The following PAM variants were observed in gnomAD, a reference collection of about 807,000 sequenced individuals.
PAM encodes the protein peptidylglycine alpha-amidating monooxygenase.
Under a neutral mutation model 122.1 loss-of-function variants are expected in PAM, and 72 were observed. That is an observed-to-expected ratio of 0.59 (90% CI 0.49 to 0.72). PAM has a LOEUF of 0.72. PAM is among the 30% of genes least tolerant of loss of function. PAM has a pLI of 0.00. For missense variants in PAM, 1,106 were observed against 1,183.7 expected, an observed-to-expected ratio of 0.93 and a Z score of 0.96; for synonymous variants, 389 against 404.4, an observed-to-expected ratio of 0.96 and a Z score of 0.46.
intron 1 of PAM, among the ~76,000 whole-genome samples, chr5:102,770,655 A>T (rs912571249): frequency 5.9e-5 from 9 of 152,152 alleles, no homozygotes; most frequent in Non-Finnish European, 1.2e-4. Context: ...TGTTAAGATG[A>T]TATATCACAT....
intron 3 of PAM, among the ~76,000 whole-genome samples, chr5:102,885,508 AT>A (rs1242330077): frequency 6.6e-6 from 1 of 152,000 alleles, no homozygotes; most frequent in Admixed American, 6.6e-5. Flanking sequence ...AAGAAGATAG[AT>A]TGGTAGCCTG....
chr5:103,022,556 T>G (rs1046777763), intron 23 of PAM, among the ~76,000 whole-genome samples: 3 of 152,134 alleles, frequency 2.0e-5, no homozygotes, highest in Non-Finnish European at 4.4e-5. Context: ...TTTAGAAAAT[T>G]TGTTTATTTC....
chr5:102,908,231 T>C (rs1315653373), intron 4 of PAM, among the ~76,000 whole-genome samples: 2 of 151,896 alleles, frequency 1.3e-5, no homozygotes, highest in African/African-American at 4.8e-5. Context: ...AAATAGGGAG[T>C]CCTTTCCCCA....
chr5:103,028,312 G>T, intron 25 of PAM, 74 bp downstream of exon 25: 1 of 1,047,938 alleles, frequency 9.5e-7, no homozygotes, highest in South Asian at 1.4e-5. Flanking sequence ...AAAAAGCAAG[G>T]AGATATTTCA....
In PAM at chr5:102,872,326, A is replaced by G. The variant is rs1381400329; in HGVS notation, c.210+4933A>G. Among the ~76,000 whole-genome samples, 4 of 152,178 alleles carry G rather than the reference A, an allele frequency of 2.6e-5. No individual in the cohort carries two copies. In the East Asian group the frequency reaches 5.8e-4, roughly 22 times the overall value. ...ACAGGTTGAAAAACCTGAAATTAGA[A>G]TCTTAAGTTATTACTTATTTTAAAA... On this transcript the variant is annotated intron_variant, in intron 3 of 25. Transcript: ENST00000438793.
At chr5:102,835,119 G>T (rs1580729760) in intron 1 of PAM, among the ~76,000 whole-genome samples, 1 of 152,132 alleles carries the variant, frequency 6.6e-6, no homozygotes, top group South Asian at 2.1e-4. Context: ...ATAATAATAT[G>T]AATCTTGCAT....
At chr5:103,010,692 T>C (rs570168443) in intron 21 of PAM, among the ~76,000 whole-genome samples, 11 of 152,324 alleles carry the variant, frequency 7.2e-5, no homozygotes, top group African/African-American at 2.2e-4. Flanking sequence ...TTGACACTTA[T>C]AATGTTATGT....
At chr5:102,797,866 A>C in intron 1 of PAM, among the ~76,000 whole-genome samples, 1 of 152,266 alleles carries the variant, frequency 6.6e-6, no homozygotes, top group Admixed American at 6.5e-5. Flanking sequence ...ACTAATAATA[A>C]CACACTTCAA....
chr5:102,942,337 A>G (rs557075462), intron 7 of PAM, among the ~76,000 whole-genome samples: 1 of 152,224 alleles, frequency 6.6e-6, no homozygotes, highest in South Asian at 2.1e-4. Context: ...TTAATTTAGA[A>G]CAAAGAACCA....
intron 7 of PAM, among the ~76,000 whole-genome samples, chr5:102,944,299 C>A (rs369703974): frequency 2.0e-4 from 30 of 151,954 alleles, no homozygotes; most frequent in East Asian, 1.5e-3. Flanking sequence ...ATCTTTTTAA[C>A]AGGGATGTCT....
At chr5:102,822,026 G>A (rs531517444) in intron 1 of PAM, among the ~76,000 whole-genome samples, 144 of 152,206 alleles carry the variant, frequency 9.5e-4, no homozygotes, top group African/African-American at 3.4e-3. Context: ...TACCCAATTT[G>A]GGGGATTCAA....
At position 102,884,839 on chromosome 5, in the gene PAM, G is replaced by A. The variant is rs114053091; in HGVS notation, c.211-16517G>A. On this transcript the variant is annotated intron_variant, in intron 3 of 25. Coordinates refer to ENST00000438793, the MANE Select transcript of PAM (RefSeq NM_001177306.2). ...AATGGCTCTGTCTTAGCAGGCAAAAGTCACCTCATTCAACAAAGCTCACAG... is the reference window on the plus strand; with the variant it reads ...AATGGCTCTGTCTTAGCAGGCAAAAATCACCTCATTCAACAAAGCTCACAG... 1.9e-3 allele frequency among the ~76,000 whole-genome samples: 295 copies of A among 151,948 alleles called. 1 individual carries two copies. The highest frequency in any genetic ancestry group is 6.8e-3 in the African/African-American group (281 of 41,504).
intron 1 of PAM, among the ~76,000 whole-genome samples, chr5:102,812,174 T>G (rs1768120853): frequency 6.6e-6 from 1 of 152,228 alleles, no homozygotes; most frequent in South Asian, 2.1e-4. Flanking sequence ...ATCTGACAGT[T>G]ATGCCCTATA....
chr5:103,010,484 C>CT (rs1562238268), intron 21 of PAM, among the ~76,000 whole-genome samples: 1 of 152,188 alleles, frequency 6.6e-6, no homozygotes, highest in East Asian at 1.9e-4. Context: ...TCTCAGTGTA[C>CT]TTACTCTGCA....
intron 12 of PAM, among the ~76,000 whole-genome samples, chr5:102,952,117 TA>T (rs1239580044): frequency 6.6e-6 from 1 of 152,028 alleles, no homozygotes; most frequent in Non-Finnish European, 1.5e-5. Flanking sequence ...AATAGAGCAG[TA>T]AAAAAATCCC....
intron 14 of PAM, 75 bp from the exon 15 acceptor site, chr5:102,974,041 T>C: frequency 2.1e-6 from 2 of 959,926 alleles, no homozygotes; most frequent in Non-Finnish European, 3.1e-6. Context: ...TAGATATTTT[T>C]TAAAGCACCA....
intron 2 of PAM, 84 bp from the exon 3 acceptor site, chr5:102,867,189 C>T (rs1037455134): frequency 1.1e-6 from 1 of 894,360 alleles, no homozygotes; most frequent in Non-Finnish European, 1.8e-6. Context: ...TCTTTAAGGT[C>T]ATAGAATTCC....
At chr5:102,898,329 A>C (rs761203694) in intron 3 of PAM, among the ~76,000 whole-genome samples, 1 of 151,586 alleles carries the variant, frequency 6.6e-6, no homozygotes, top group Admixed American at 6.6e-5. Flanking sequence ...CACCAAGCTC[A>C]GATACAGTGT....
At position 102,882,110 on chromosome 5, in the gene PAM, T is replaced by TATATACACAC. The variant is rs1561748160; in HGVS notation, c.210+14718_210+14719insTATACACACA. Among the ~76,000 whole-genome samples the TATATACACAC allele has an allele frequency of 2.6e-4, 27 of 103,784 alleles. 2 individuals are homozygous for TATATACACAC. The highest frequency in any genetic ancestry group is 9.8e-4 in the African/African-American group (25 of 25,486). The allele number at this position is 103,784 out of a possible 152,430, so 68.1% of individuals were successfully genotyped here. A position where few individuals can be genotyped will look rare whatever the true frequency, so the allele number is the denominator to read the frequency against. On this transcript the variant is annotated intron_variant, in intron 3 of 25. Transcript: ENST00000438793. ...ATATATATATATATATATATATATA[T>TATATACACAC]ACACCACATTTTCTTTATCCACTCA...
Sources: gnomAD v4.1 joint callset for allele counts (sites outside exome capture counted in the v4.1 genomes callset) on GRCh38, gnomAD v4.1.1 for gene constraint, MANE v1.5 for transcripts, NCBI Gene and HGNC (gene_info 2026-07-23, HGNC 2026-07-21) for gene names.